Variants in OPRM1 observed in about 807,000 individuals in gnomAD.
OPRM1 encodes the protein mu-type opioid receptor.
In OPRM1, 27 loss-of-function variants were observed where a neutral mutation model predicts 31.8. That is an observed-to-expected ratio of 0.85 (90% CI 0.63 to 1.17). The LOEUF (loss-of-function observed/expected upper bound fraction) is 1.17, where lower values mean the gene tolerates loss of function less well. OPRM1 is among the 50% of genes most tolerant of loss of function. The pLI, the probability that OPRM1 is intolerant of heterozygous loss-of-function variation, is 0.00. For synonymous variants in OPRM1, 196 were observed against 189.9 expected (o/e 1.03, Z -0.26); for missense variants, 536 against 511.1 (o/e 1.05, Z -0.47).
In OPRM1 at chr6:154,046,738, C is replaced by G. The variant is rs1781186842; in HGVS notation, c.290+6904C>G. The G allele has an allele frequency of 2.0e-5, 3 of 152,100 alleles. No homozygotes were observed. In the South Asian group the frequency reaches 6.2e-4, roughly 32 times the overall value. 9.4% of individuals were successfully genotyped at this position (152,100 alleles called of 1,614,324 possible). A position where few individuals can be genotyped will look rare whatever the true frequency, so the allele number is the denominator to read the frequency against. ...GAACAGCAAGGAAGAGAAACCTTGC[C>G]CTGGCTCAGGGCCCCAAGTGTCAGT... On this transcript the variant is annotated intron_variant, in intron 1 of 3. Transcript: ENST00000330432.
intron 3 of OPRM1, among the ~76,000 whole-genome samples, chr6:154,186,814 C>G (rs1801408802): frequency 6.6e-6 from 1 of 152,094 alleles, no homozygotes; most frequent in African/African-American, 2.4e-5. Context: ...CCTCGGCCTC[C>G]CAAAATGCTG....
At chr6:154,061,397 G>A (rs961689624) in intron 1 of OPRM1, among the ~76,000 whole-genome samples, 2 of 152,024 alleles carry the variant, frequency 1.3e-5, no homozygotes, top group East Asian at 1.9e-4. Context: ...ACCAGACTTA[G>A]GAGAGATATA....
intron 3 of OPRM1, among the ~76,000 whole-genome samples, chr6:154,205,001 G>A (rs1485640252): frequency 6.6e-6 from 1 of 152,114 alleles, no homozygotes; most frequent in Non-Finnish European, 1.5e-5. Flanking sequence ...GCTTCCCTGT[G>A]GATGTTGGGT....
intron 1 of OPRM1, among the ~76,000 whole-genome samples, chr6:154,061,043 A>G (rs1784298233): frequency 6.6e-6 from 1 of 152,222 alleles, no homozygotes; most frequent in Admixed American, 6.5e-5. Context: ...AAACATATTT[A>G]ACAGTGGTGT....
chr6:154,043,537 G>A lies in OPRM1; in HGVS notation c.290+3703G>A, dbSNP rs914407543. 8.1e-5 allele frequency among the ~76,000 whole-genome samples: 11 copies of A among 135,994 alleles called. No individual in the cohort carries two copies. In the East Asian group the frequency reaches 1.2e-3, roughly 15 times the overall value. The allele number at this position is 135,994 out of a possible 152,430, so 89.2% of individuals were successfully genotyped here. On this transcript the variant is annotated intron_variant, in intron 1 of 3. Transcript: ENST00000330432. ...TATAAGGATATATATGTGTGTGTGT[G>A]TATATATATATATATATAAATTCAC...
intron 3 of OPRM1, among the ~76,000 whole-genome samples, chr6:154,152,390 A>AGAGAG (rs1798559728): frequency 7.1e-5 from 9 of 126,296 alleles, no homozygotes; most frequent in Non-Finnish European, 1.0e-4. Flanking sequence ...GAAAGAAAGA[A>AGAGAG]AGAGAAATAG....
chr6:154,119,086 G>A lies in OPRM1; in HGVS notation c.*365G>A. 1 of 1,017,520 alleles carries A rather than the reference G, an allele frequency of 9.8e-7. No homozygotes were observed. Among genetic ancestry groups the A allele is most frequent in the Non-Finnish European group, 1.2e-6 (1 of 850,602 alleles). The allele number at this position is 1,017,520 out of a possible 1,614,324, so 63.0% of individuals were successfully genotyped here. The stretch of plus-strand genomic sequence containing the variant: ...CCTCAACAAAGAAGAACCATCTTTT[G>A]TTAAGTTCACCGTAGTAACACATAA... On this transcript the variant is annotated 3_prime_UTR_variant, in exon 4 of 4. Transcript: ENST00000330432.
At chr6:154,226,718 A>G (rs1011826391) in intron 3 of OPRM1, among the ~76,000 whole-genome samples, 1 of 152,146 alleles carries the variant, frequency 6.6e-6, no homozygotes, top group Non-Finnish European at 1.5e-5. Flanking sequence ...CATCATGAAC[A>G]TTCTTCATGG....
At chr6:154,107,953 T>TTTTTATTTTA (rs754655370) in intron 3 of OPRM1, 38 of 518,038 alleles carry the variant, frequency 7.3e-5, no homozygotes, top group Admixed American at 6.7e-5. Context: ...AACACTGATT[T>TTTTTATTTTA]TTTTATTTTA....
rs1391932955 is a variant in OPRM1, at chr6:154,127,856, A to G, written c.*9135A>G. Among the ~76,000 whole-genome samples, 1 of 152,122 alleles carries G rather than the reference A, an allele frequency of 6.6e-6. No homozygotes were observed. The highest frequency in any genetic ancestry group is 1.5e-5 in the Non-Finnish European group (1 of 68,026). On this transcript the variant is annotated 3_prime_UTR_variant, in exon 4 of 4. Transcript: ENST00000330432. ...CTTCCTGTAATTCTCTTTGGCTGTA[A>G]TACAATTTGTTCCCGTCTGCCCCCA...
rs1797530764 is a variant in OPRM1 at position 154,125,397 on chromosome 6, C to T, written c.*6676C>T. Among the ~76,000 whole-genome samples the T allele has an allele frequency of 6.6e-6, 1 of 152,226 alleles. No individual in the cohort carries two copies. The highest frequency in any genetic ancestry group is 2.4e-5 in the African/African-American group (1 of 41,460). ...CCTAAACCTCTGAAGCAATAAACCT[C>T]TTCCATTACACAGGTTTAGATTCAG... is the stretch of plus-strand genomic sequence containing the variant. On this transcript the variant is annotated 3_prime_UTR_variant, in exon 4 of 4. Transcript: ENST00000330432.
chr6:154,183,062 C>T (rs1583730766), intron 3 of OPRM1, among the ~76,000 whole-genome samples: 1 of 152,134 alleles, frequency 6.6e-6, no homozygotes, highest in Non-Finnish European at 1.5e-5. Context: ...TCACTGCAAC[C>T]TCTGCCTCCC....
intron 1 of OPRM1, among the ~76,000 whole-genome samples, chr6:154,040,800 G>A (rs1023885638): frequency 2.6e-5 from 4 of 152,074 alleles, no homozygotes; most frequent in African/African-American, 9.7e-5. Context: ...AGATGTTCCC[G>A]GTATATTTGG....
At chr6:154,025,178 T>A (rs1282399210) in intron 1 of OPRM1, among the ~76,000 whole-genome samples, 2 of 152,070 alleles carry the variant, frequency 1.3e-5, no homozygotes, top group African/African-American at 4.8e-5. Flanking sequence ...CTCATAATAC[T>A]TGCTTTATAT....
chr6:154,038,076 T>C (rs146096052), upstream of OPRM1, among the ~76,000 whole-genome samples: 1 of 152,278 alleles, frequency 6.6e-6, no homozygotes, highest in East Asian at 1.9e-4. Context: ...ATAGTGAACA[T>C]TGGCAAAATA....
At chr6:154,106,660 T>C (rs1186673990) in intron 3 of OPRM1, among the ~76,000 whole-genome samples, 1 of 152,202 alleles carries the variant, frequency 6.6e-6, no homozygotes, top group Non-Finnish European at 1.5e-5. Flanking sequence ...AACCAGTTAT[T>C]TTACTTTAGG....
intron 3 of OPRM1, among the ~76,000 whole-genome samples, chr6:154,187,151 T>G (rs1265005898): frequency 6.6e-6 from 1 of 152,128 alleles, no homozygotes; most frequent in Non-Finnish European, 1.5e-5. Flanking sequence ...TTAATTTGGC[T>G]CACCCTCTCC....
At position 154,069,402 on chromosome 6, in the gene OPRM1, C is replaced by T. The variant is rs112113163; in HGVS notation, c.291-20424C>T. On this transcript the variant is annotated intron_variant, in intron 1 of 3. Transcript: ENST00000330432. ...TACAGGTGCATGCCGCCACACCCAGCTAATTTTTGTATTTTTAGTAGAGAC... is the reference window on the plus strand; with the variant it reads ...TACAGGTGCATGCCGCCACACCCAGTTAATTTTTGTATTTTTAGTAGAGAC... Among the ~76,000 whole-genome samples, 569 of 152,224 alleles carry T rather than the reference C, an allele frequency of 3.7e-3. 2 individuals carry two copies. The highest frequency in any genetic ancestry group is 6.6e-3 in the Non-Finnish European group (446 of 68,010).
intron 1 of OPRM1, among the ~76,000 whole-genome samples, chr6:154,072,132 G>T (rs1786905336): frequency 6.6e-6 from 1 of 152,138 alleles, no homozygotes. Context: ...ACGTGGGAAT[G>T]GTAAGATAAC....
Sources: gnomAD v4.1 joint callset for allele counts (sites outside exome capture counted in the v4.1 genomes callset) on GRCh38, gnomAD v4.1.1 for gene constraint, MANE v1.5 for transcripts, NCBI Gene and HGNC (gene_info 2026-07-23, HGNC 2026-07-21) for gene names.